The following ARHGAP35 variants were observed in gnomAD, a reference collection of about 807,000 sequenced individuals.
ARHGAP35 encodes Rho GTPase activating protein 35.
In ARHGAP35, 15 loss-of-function variants were observed where a neutral mutation model predicts 111.1. The observed-to-expected ratio is 0.13, with a 90% confidence interval of 0.09 to 0.21. The LOEUF is 0.21. Among genes scored for constraint, ARHGAP35 ranks in the 10% least tolerant of loss-of-function variants. The probability of loss-of-function intolerance (pLI) is 1.00; values close to 1 mark genes in which losing one functional copy is unlikely to be tolerated. For synonymous variants in ARHGAP35, 643 were observed against 710.3 expected, an observed-to-expected ratio of 0.91 and a Z score of 1.51; for missense variants, 1,262 against 1,873.0, an observed-to-expected ratio of 0.67 and a Z score of 6.02.
chr19:46,921,426 A>C lies in ARHGAP35; in HGVS notation c.2751A>C (p.Gly917=). ...AGGAGATTGCTCAAGAAATTGACGG[A>C]AGGTTCACAAGCATCCCCTGTAGCC... ...EGEEIAQEID[G]RFTSIPCSQP... is the part of the protein sequence containing the mutation. Residue 917 remains glycine, a synonymous_variant, in exon 2 of 7, where the codon GGA becomes GGC. Transcript: ENST00000672722. The surrounding 1 kb of genome is among the most constrained non-coding windows in gnomAD (Gnocchi z 4.3). The C allele has an allele frequency of 6.2e-7, 1 of 1,613,952 alleles. No homozygotes were observed. Among genetic ancestry groups the C allele is most frequent in the Non-Finnish European group, 8.5e-7 (1 of 1,179,880 alleles).
chr19:46,912,648 T>A (rs1027991686), intron 1 of ARHGAP35, among the ~76,000 whole-genome samples: 3 of 152,134 alleles, frequency 2.0e-5, no homozygotes, highest in South Asian at 4.1e-4. Context: ...GAGCCACTGC[T>A]CCTGGTCGTG....
intron 1 of ARHGAP35, among the ~76,000 whole-genome samples, chr19:46,874,334 A>C (rs993025860): frequency 6.6e-6 from 1 of 152,104 alleles, no homozygotes; most frequent in Admixed American, 6.6e-5. Context: ...AATGTAAAAA[A>C]TTTAGAAGGC....
At position 46,986,297 on chromosome 19, in the gene ARHGAP35, C is replaced by T. The variant is rs561593858; in HGVS notation, c.3827-1692C>T. On this transcript the variant is annotated intron_variant, in intron 3 of 6. Coordinates refer to ENST00000672722, the MANE Select transcript of ARHGAP35 (RefSeq NM_004491.5). The surrounding 1 kb of genome is among the most constrained non-coding windows in gnomAD (Gnocchi z 4.3). ...CTCTAAGCTGAACAGTGCTCCTCTG[C>T]CCACGGTAGGATGGGGAGGGAGTGG... Among the ~76,000 whole-genome samples the T allele has an allele frequency of 6.6e-6, 1 of 152,138 alleles. No individual in the cohort carries two copies. Among genetic ancestry groups the T allele is most frequent in the African/African-American group, 2.4e-5 (1 of 41,422 alleles).
At chr19:46,990,875 C>T (rs1316419878) in intron 5 of ARHGAP35, among the ~76,000 whole-genome samples, 1 of 152,200 alleles carries the variant, frequency 6.6e-6, no homozygotes, top group Non-Finnish European at 1.5e-5. Flanking sequence ...CCAGGGTCTG[C>T]ACTTCCTATG....
In ARHGAP35 at chr19:47,003,800, G is replaced by A. The variant is rs1399202017; in HGVS notation, c.*3112G>A. ...ATAGGAGCAGCTCGCTGGCCAGAAG[G>A]GGATGGGGGCATCCCTGTGCCTCAC... is the stretch of plus-strand genomic sequence containing the variant. On this transcript the variant is annotated 3_prime_UTR_variant, in exon 7 of 7. Coordinates refer to ENST00000672722, the MANE Select transcript of ARHGAP35 (RefSeq NM_004491.5). 6.6e-6 allele frequency: 1 copy of A among 152,186 alleles called. No individual in the cohort carries two copies. The highest frequency in any genetic ancestry group is 1.9e-4 in the East Asian group (1 of 5,188). 9.4% of individuals were successfully genotyped at this position (152,186 alleles called of 1,614,324 possible).
intron 3 of ARHGAP35, among the ~76,000 whole-genome samples, chr19:46,971,363 G>A (rs772445275): frequency 2.6e-5 from 4 of 151,930 alleles, no homozygotes; most frequent in South Asian, 2.1e-4. Flanking sequence ...CTGAGCTCAC[G>A]CCGCTGTACT....
intron 5 of ARHGAP35, among the ~76,000 whole-genome samples, chr19:46,996,123 A>T (rs1431038464): frequency 6.6e-6 from 1 of 151,964 alleles, no homozygotes; most frequent in Non-Finnish European, 1.5e-5. Flanking sequence ...TTTCTTTTTG[A>T]GATGGAGTCT....
At position 46,870,362 on chromosome 19, in the gene ARHGAP35, G is replaced by A. The variant is rs932582625; in HGVS notation, c.-189+9153G>A. ...TGGGAGGCCGAGGCGGGTGGATCAC[G>A]AGGTCAGGAGATCGAGACCACCGTG... On this transcript the variant is annotated intron_variant, in intron 1 of 6. Coordinates refer to ENST00000672722, the MANE Select transcript of ARHGAP35 (RefSeq NM_004491.5). Among the ~76,000 whole-genome samples, 88 of 151,818 alleles carry A rather than the reference G, an allele frequency of 5.8e-4. 1 individual carries two copies. The highest frequency in any genetic ancestry group is 1.9e-3 in the African/African-American group (77 of 41,460).
intron 2 of ARHGAP35, among the ~76,000 whole-genome samples, chr19:46,933,137 CTT>C (rs1174653724): frequency 1.0e-5 from 1 of 99,522 alleles, no homozygotes; most frequent in Admixed American, 1.2e-4. Context: ...AGTGTGCCTT[CTT>C]TTTTTTTTTT....
chr19:46,864,248 T>TG lies in ARHGAP35; in HGVS notation c.-189+3041dup, dbSNP rs201588487. ...TGAGCGATTTTCTTTAATGACTCTA[T>TG]GGTTGTGGGGGGGTATTTAGTTCAT... On this transcript the variant is annotated intron_variant, in intron 1 of 6. Transcript: ENST00000672722. Among the ~76,000 whole-genome samples, 1,198 of 152,334 alleles carry TG rather than the reference T, an allele frequency of 7.9e-3. 8 individuals carry two copies. Among genetic ancestry groups the TG allele is most frequent in the African/African-American group, 0.027 (1,122 of 41,576 alleles).
At chr19:46,950,276 T>C (rs1010381738) in intron 3 of ARHGAP35, among the ~76,000 whole-genome samples, 1 of 152,242 alleles carries the variant, frequency 6.6e-6, no homozygotes, top group African/African-American at 2.4e-5. Context: ...CATTGCTATG[T>C]AGACTTTCAT....
chr19:46,983,139 C>T (rs752233858), intron 3 of ARHGAP35, among the ~76,000 whole-genome samples: 5 of 151,852 alleles, frequency 3.3e-5, no homozygotes, highest in East Asian at 1.9e-4. Context: ...CTGGAGCCCC[C>T]GCACCTGCAC....
At chr19:46,944,251 A>G (rs1041978872) in intron 3 of ARHGAP35, among the ~76,000 whole-genome samples, 10 of 151,504 alleles carry the variant, frequency 6.6e-5, no homozygotes, top group Admixed American at 6.6e-4. Context: ...GTAAGCTGAG[A>G]TCATGCCACT....
chr19:46,884,838 C>T (rs546017653), intron 1 of ARHGAP35, among the ~76,000 whole-genome samples: 9 of 152,242 alleles, frequency 5.9e-5, no homozygotes, highest in African/African-American at 1.9e-4. Context: ...AATGATCCTC[C>T]TGCCTCAGCT....
chr19:46,920,378 C>G lies in ARHGAP35; in HGVS notation c.1703C>G (p.Ala568Gly). ...CCCAGCTGCCCAGCTTGTGTGGACG[C>G]TAAGATTGAGCACTTGATTAGTTCT... ...TCPSCPACVD[A>G]KIEHLISSRF... The change falls in exon 2 of 7, where the codon GCT (alanine) becomes GGT (glycine). Residue 568 changes from alanine to glycine, a missense_variant. Coordinates refer to ENST00000672722, the MANE Select transcript of ARHGAP35 (RefSeq NM_004491.5). This position sits in a 1 kb window ranked among gnomAD's most constrained non-coding sequence, Gnocchi z 7.0. 1.2e-6 allele frequency: 2 copies of G among 1,613,984 alleles called. No homozygotes were observed. The highest frequency in any genetic ancestry group is 1.7e-6 in the Non-Finnish European group (2 of 1,179,906).
At chr19:46,941,562 CT>C (rs2056347102) in intron 3 of ARHGAP35, among the ~76,000 whole-genome samples, 1 of 149,248 alleles carries the variant, frequency 6.7e-6, no homozygotes, top group Non-Finnish European at 1.5e-5. Flanking sequence ...GAGCGAGACC[CT>C]GTCTCTTAAA....
At position 46,999,312 on chromosome 19, in the gene ARHGAP35, G is replaced by A. The variant is rs764344593; in HGVS notation, c.4045G>A (p.Asp1349Asn). The change falls in exon 6 of 7, where the codon GAC becomes AAC. Residue 1349 changes from aspartate to asparagine, a missense_variant. By Grantham distance (23) the Asp-to-Asn change is conservative. Coordinates refer to ENST00000672722, the MANE Select transcript of ARHGAP35 (RefSeq NM_004491.5). The surrounding 1 kb of genome is among the most constrained non-coding windows in gnomAD (Gnocchi z 5.4). Reference protein sequence around the residue: ...IDLVEAHKINDREQKLHALKE... With the variant: ...IDLVEAHKINNREQKLHALKE... ...GTTTTCTCTCTCCTCAGAAATCAAC[G>A]ACCGGGAGCAGAAGTTGCATGCCCT... 1.1e-5 allele frequency: 17 copies of A among 1,584,616 alleles called. 1 individual carries two copies. The highest frequency in any genetic ancestry group is 2.7e-5 in the African/African-American group (2 of 74,286).
intron 2 of ARHGAP35, among the ~76,000 whole-genome samples, chr19:46,934,265 T>TA (rs908954916): frequency 1.7e-4 from 25 of 151,380 alleles, no homozygotes; most frequent in East Asian, 7.7e-4. Flanking sequence ...AACTTTAAAT[T>TA]AAAAAAAAAT....
rs112836613 is a variant in ARHGAP35, at chr19:46,904,363, AT to A, written c.-188-14117del. On this transcript the variant is annotated intron_variant, in intron 1 of 6. Transcript: ENST00000672722. ...GTTCATCTCAAGAAGAATCTTAGGA[AT>A]TTTTTTTCAAATCAGCCAGTTTTCC... Among the ~76,000 whole-genome samples, 986 of 152,008 alleles carry A rather than the reference AT, an allele frequency of 6.5e-3. 6 individuals carry two copies. The highest frequency in any genetic ancestry group is 0.02 in the South Asian group (98 of 4,806).
Sources: allele counts gnomAD v4.1 joint callset (sites outside exome capture counted in the v4.1 genomes callset), GRCh38; gene constraint gnomAD v4.1.1; non-coding constraint Gnocchi (gnomAD v3.1); transcripts MANE v1.5; gene names NCBI Gene and HGNC (gene_info 2026-07-23, HGNC 2026-07-21).